FOCAD: variants seen among roughly 807,000 people sequenced by gnomAD.
FOCAD encodes focadhesin.
A neutral mutation model predicts 225.6 loss-of-function variants in FOCAD; 198 were observed. That is an observed-to-expected ratio of 0.88 (90% confidence interval 0.78 to 0.99). The LOEUF is 0.99. FOCAD is among the 50% of genes least tolerant of loss of function. FOCAD has a pLI of 0.00. For missense variants in FOCAD, 2,713 were observed against 2,123.6 expected (o/e 1.28, Z -5.46); for synonymous variants, 897 against 755.0 (o/e 1.19, Z -3.08).
chr9:20,688,780 C>A (rs1005303774), intron 1 of FOCAD, among the ~76,000 whole-genome samples: 1 of 152,086 alleles, frequency 6.6e-6, no homozygotes, highest in Non-Finnish European at 1.5e-5. Flanking sequence ...TGGTCAGATG[C>A]CATAGGGAAT....
intron 1 of FOCAD, among the ~76,000 whole-genome samples, chr9:20,692,756 G>A (rs1563881103): frequency 6.6e-6 from 1 of 152,202 alleles, no homozygotes; most frequent in Admixed American, 6.5e-5. Context: ...GTGGCCTTTT[G>A]AGGCCGGGAC....
intron 5 of FOCAD, among the ~76,000 whole-genome samples, chr9:20,746,662 A>G (rs996910273): frequency 6.6e-6 from 1 of 152,214 alleles, no homozygotes; most frequent in Non-Finnish European, 1.5e-5. Flanking sequence ...TTTTCTAAGA[A>G]CAAGGATATT....
intron 28 of FOCAD, among the ~76,000 whole-genome samples, chr9:20,935,767 T>C (rs1835889104): frequency 6.6e-6 from 1 of 152,204 alleles, no homozygotes; most frequent in Non-Finnish European, 1.5e-5. Context: ...CTTTGACCGA[T>C]GATTTATGTT....
Position 20,778,755 on chromosome 9 carries a change from A to T in FOCAD, c.981A>T (p.Pro327=), listed in dbSNP as rs949418307. The T allele has an allele frequency of 6.2e-7, 1 of 1,600,616 alleles. No homozygotes were observed. The highest frequency in any genetic ancestry group is 8.6e-7 in the Non-Finnish European group (1 of 1,168,558). ...LLQTPASQQK[P]ILNLALKLLS... The stretch of plus-strand genomic sequence containing the variant: ...AGACTCCAGCAAGTCAGCAGAAGCC[A>T]ATCTTAAATCTAGGTAAATAAAAAT... The change falls in exon 9 of 44, where the codon CCA becomes CCT. Residue 327 remains proline, a synonymous_variant. Coordinates refer to ENST00000338382, the MANE Select transcript of FOCAD (RefSeq NM_001375567.1).
At chr9:20,917,822 G>C (rs1416555736) in intron 24 of FOCAD, among the ~76,000 whole-genome samples, 1 of 152,112 alleles carries the variant, frequency 6.6e-6, no homozygotes, top group Non-Finnish European at 1.5e-5. Context: ...ATCTACCTTA[G>C]AGTTAGCTTT....
upstream of FOCAD, among the ~76,000 whole-genome samples, chr9:20,682,481 G>T (rs1213930645): frequency 6.6e-6 from 1 of 152,138 alleles, no homozygotes; most frequent in Admixed American, 6.5e-5. Context: ...TAAAATGTGG[G>T]TAATAACTGT....
At chr9:20,925,148 A>G (rs1473206426) in intron 25 of FOCAD, among the ~76,000 whole-genome samples, 1 of 152,240 alleles carries the variant, frequency 6.6e-6, no homozygotes, top group Non-Finnish European at 1.5e-5. Context: ...ATTTAATTTT[A>G]AACTTAGAAT....
chr9:20,677,756 T>TG (rs1563870235), intron 2 of FOCAD, among the ~76,000 whole-genome samples: 1 of 152,190 alleles, frequency 6.6e-6, no homozygotes, highest in Non-Finnish European at 1.5e-5. Flanking sequence ...GGCAGAGCCA[T>TG]GATAGAAAAC....
intron 21 of FOCAD, 151 bp from the exon 22 acceptor site, chr9:20,906,999 G>T (rs1011428063): frequency 1.7e-6 from 1 of 599,214 alleles, no homozygotes; most frequent in Non-Finnish European, 2.9e-6. Flanking sequence ...ATATCCAAAA[G>T]ATATTATTTG....
At chr9:20,729,358 T>C (rs1826477542) in intron 4 of FOCAD, among the ~76,000 whole-genome samples, 1 of 152,218 alleles carries the variant, frequency 6.6e-6, no homozygotes, top group African/African-American at 2.4e-5. Context: ...CATGGCTGAC[T>C]TACCTGTATA....
At chr9:20,982,524 C>T in intron 39 of FOCAD, 78 bp downstream of exon 39, 1 of 1,203,430 alleles carries the variant, frequency 8.3e-7, no homozygotes, top group South Asian at 1.3e-5. Context: ...CAGTGTTTGG[C>T]TGAAGCAAGT....
At chr9:20,863,600 T>C (rs568414517) in intron 16 of FOCAD, 1 of 152,228 alleles carries the variant, frequency 6.6e-6, no homozygotes, top group Admixed American at 6.5e-5. Flanking sequence ...TATTTTAGTT[T>C]ATTCTTACAT....
intron 10 of FOCAD, among the ~76,000 whole-genome samples, chr9:20,785,944 C>T (rs1819880986): frequency 6.6e-6 from 1 of 152,168 alleles, no homozygotes; most frequent in Non-Finnish European, 1.5e-5. Flanking sequence ...TTGATGGTTA[C>T]ATCCTAGTAG....
intron 10 of FOCAD, among the ~76,000 whole-genome samples, chr9:20,788,598 C>T (rs1247694549): frequency 6.6e-6 from 1 of 151,624 alleles, no homozygotes; most frequent in African/African-American, 2.4e-5. Flanking sequence ...GATTTCCAGT[C>T]TGTCACAAAG....
chr9:20,934,597 A>G (rs533500423), intron 28 of FOCAD, among the ~76,000 whole-genome samples: 50 of 150,962 alleles, frequency 3.3e-4, no homozygotes, highest in African/African-American at 1.2e-3. Flanking sequence ...CCGTTGTTCT[A>G]TGTGCCTAGT....
At chr9:20,981,158 A>G (rs1262316652) in intron 37 of FOCAD, among the ~76,000 whole-genome samples, 1 of 152,192 alleles carries the variant, frequency 6.6e-6, no homozygotes, top group East Asian at 1.9e-4. Context: ...AAAACATCCA[A>G]GGTTTAAGCT....
chr9:20,948,620 A>G (rs7045545), intron 31 of FOCAD, among the ~76,000 whole-genome samples: 4,232 of 152,288 alleles, frequency 0.028, 69 homozygotes, highest in Middle Eastern at 0.044. Flanking sequence ...ATTTTAAGAC[A>G]ACATTTTGTT....
At chr9:20,919,536 G>A (rs1400919718) in intron 24 of FOCAD, among the ~76,000 whole-genome samples, 12 of 152,148 alleles carry the variant, frequency 7.9e-5, no homozygotes, top group Non-Finnish European at 1.5e-4. Flanking sequence ...AAAGCAGGAG[G>A]CATCATGCTA....
At chr9:20,872,062 C>T (rs1829826732) in intron 18 of FOCAD, among the ~76,000 whole-genome samples, 1 of 151,742 alleles carries the variant, frequency 6.6e-6, no homozygotes, top group Non-Finnish European at 1.5e-5. Flanking sequence ...GTGATCATAC[C>T]ATTATAAATA....
Sources: allele counts gnomAD v4.1 joint callset (sites outside exome capture counted in the v4.1 genomes callset), GRCh38; gene constraint gnomAD v4.1.1; transcripts MANE v1.5; gene names NCBI Gene and HGNC (gene_info 2026-07-23, HGNC 2026-07-21).